TENT5C: variants seen among roughly 807,000 people sequenced by gnomAD.
The protein encoded by TENT5C is family with sequence similarity 46 member C.
A neutral mutation model predicts 22.2 loss-of-function variants in TENT5C; 5 were observed. That is an observed-to-expected ratio of 0.22 (90% CI 0.12 to 0.47). The LOEUF is 0.47. Among genes scored for constraint, TENT5C ranks in the 20% least tolerant of loss-of-function variants. The pLI, the probability that TENT5C is intolerant of heterozygous loss-of-function variation, is 0.99. For synonymous variants in TENT5C, 199 were observed against 195.4 expected (o/e 1.02, Z -0.15); for missense variants, 364 against 500.9 (o/e 0.73, Z 2.61).
rs776281952 is a variant in TENT5C at position 117,623,041 on chromosome 1, G to A, written c.173G>A (p.Arg58Gln). ...GACATCGTCCAGACCGTCCGCAGTC[G>A]GCTGGAGGAGGCAGGCATCAAAGTG... ...LKDIVQTVRS[R>Q]LEEAGIKVHD... Residue 58 changes from arginine (R) to glutamine (Q), a missense_variant, in exon 2 of 2, where the codon CGG (arginine) becomes CAG (glutamine). Physicochemically the swap from Arg to Gln is conservative, Grantham distance 43. This residue lies in a region of TENT5C where 303 missense variants were observed against 394.5 expected (regional missense o/e 0.77). Transcript: ENST00000369448. 1.2e-5 allele frequency: 20 copies of A among 1,614,082 alleles called. No homozygotes were observed. Among genetic ancestry groups the A allele is most frequent in the African/African-American group, 4.0e-5 (3 of 74,926 alleles).
At chr1:117,622,733 T>C in intron 1 of TENT5C, 109 bp from the exon 2 acceptor site, 1 of 733,696 alleles carries the variant, frequency 1.4e-6, no homozygotes, top group Non-Finnish European at 2.3e-6. Flanking sequence ...AAGTGCTATT[T>C]ATCACCATTT....
At chr1:117,620,675 G>A (rs917171331) in intron 1 of TENT5C, among the ~76,000 whole-genome samples, 1 of 152,102 alleles carries the variant, frequency 6.6e-6, no homozygotes, top group Non-Finnish European at 1.5e-5. Flanking sequence ...CATTACCACC[G>A]GAGCTCTGCC....
At chr1:117,606,727 G>C (rs1238873976) in intron 1 of TENT5C, among the ~76,000 whole-genome samples, 4 of 152,214 alleles carry the variant, frequency 2.6e-5, no homozygotes, top group Non-Finnish European at 4.4e-5. Context: ...TGGTTGGGGA[G>C]GGGAGGGGCG....
intron 1 of TENT5C, among the ~76,000 whole-genome samples, chr1:117,612,168 C>T (rs1244568068): frequency 1.3e-5 from 2 of 152,180 alleles, no homozygotes; most frequent in Non-Finnish European, 2.9e-5. Context: ...GGATCTTTGT[C>T]TCTTTCTTCC....
chr1:117,614,717 T>C (rs1269409304), intron 1 of TENT5C, among the ~76,000 whole-genome samples: 1 of 152,108 alleles, frequency 6.6e-6, no homozygotes, highest in African/African-American at 2.4e-5. Flanking sequence ...CAGTAATTGT[T>C]CCTTTATTCC....
chr1:117,624,314 A>C lies in TENT5C; in HGVS notation c.*270A>C. The C allele has an allele frequency of 4.4e-6, 2 of 451,282 alleles. No individual in the cohort carries two copies. Among genetic ancestry groups the C allele is most frequent in the East Asian group, 3.5e-5 (1 of 28,598 alleles). The allele number at this position is 451,282 out of a possible 1,614,324, so 28.0% of individuals were successfully genotyped here. The stretch of plus-strand genomic sequence containing the variant: ...ACATCTTTCCAAGATAGACACTAAC[A>C]TGTCATGTCCCAAACATTAGCACGT... On this transcript the variant is annotated 3_prime_UTR_variant, in exon 2 of 2. Transcript: ENST00000369448.
rs773602227 is a variant in TENT5C at position 117,623,001 on chromosome 1, G to C, written c.133G>C (p.Glu45Gln). The C allele has an allele frequency of 1.2e-6, 2 of 1,614,074 alleles. No individual in the cohort carries two copies. Among genetic ancestry groups the C allele is most frequent in the South Asian group, 2.2e-5 (2 of 91,078 alleles). ...IHGRGNFPTLEITLKDIVQTV... is the reference protein window; with the variant it reads ...IHGRGNFPTLQITLKDIVQTV... ...CGGACGAGGCAACTTTCCAACCTTGGAGATAACTCTGAAGGACATCGTCCA... is the reference window on the plus strand; with the variant it reads ...CGGACGAGGCAACTTTCCAACCTTGCAGATAACTCTGAAGGACATCGTCCA... The change falls in exon 2 of 2, where the codon GAG becomes CAG. Residue 45 changes from glutamate to glutamine, a missense_variant. By Grantham distance (29) the Glu-to-Gln change is conservative. Transcript: ENST00000369448.
intron 1 of TENT5C, among the ~76,000 whole-genome samples, chr1:117,615,707 C>T (rs2101075815): frequency 6.6e-6 from 1 of 152,322 alleles, no homozygotes; most frequent in Middle Eastern, 3.4e-3. Context: ...TGCTCCCCCG[C>T]TGATAAGTGG....
chr1:117,624,096 T>C lies in TENT5C; in HGVS notation c.*52T>C. The stretch of plus-strand genomic sequence containing the variant: ...GGGAACCCCAATAGGGCTAGGGCTC[T>C]CAGGTAGGGGAGCCTCCTTCTAGAT... On this transcript the variant is annotated 3_prime_UTR_variant, in exon 2 of 2. Transcript: ENST00000369448. The C allele has an allele frequency of 6.8e-7, 1 of 1,461,458 alleles. No individual in the cohort carries two copies. Among genetic ancestry groups the C allele is most frequent in the Non-Finnish European group, 9.3e-7 (1 of 1,075,698 alleles). The allele number at this position is 1,461,458 out of a possible 1,614,324, so 90.5% of individuals were successfully genotyped here.
In TENT5C at chr1:117,626,385, C is replaced by G. The variant is rs1213943840; in HGVS notation, c.*2341C>G. 2 of 247,980 alleles carry G rather than the reference C, an allele frequency of 8.1e-6. No homozygotes were observed. The highest frequency in any genetic ancestry group is 1.7e-5 in the Non-Finnish European group (2 of 118,036). 15.4% of individuals were successfully genotyped at this position (247,980 alleles called of 1,614,324 possible). ...CAGTCCCCAGTCTTTGCCACCATTG[C>G]ACCATGGTTGTCTCGGAGTCCCTTC... On this transcript the variant is annotated 3_prime_UTR_variant, in exon 2 of 2. Coordinates refer to ENST00000369448, the MANE Select transcript of TENT5C (RefSeq NM_017709.4).
intron 1 of TENT5C, among the ~76,000 whole-genome samples, chr1:117,614,899 C>T (rs889776499): frequency 6.6e-6 from 1 of 152,172 alleles, no homozygotes; most frequent in Non-Finnish European, 1.5e-5. Context: ...CTAAAATCAC[C>T]ACTGTTCTGC....
At chr1:117,607,682 C>T (rs529085844) in intron 1 of TENT5C, among the ~76,000 whole-genome samples, 27 of 152,160 alleles carry the variant, frequency 1.8e-4, no homozygotes, top group Non-Finnish European at 3.2e-4. Context: ...GTAAGTTGGG[C>T]AGCCGCAAGA....
At chr1:117,608,739 A>T (rs1013826147) in intron 1 of TENT5C, among the ~76,000 whole-genome samples, 5 of 150,880 alleles carry the variant, frequency 3.3e-5, no homozygotes, top group Non-Finnish European at 7.4e-5. Context: ...GGAAACCCAA[A>T]GGCTCTCAGT....
chr1:117,623,840 T>C lies in TENT5C; in HGVS notation c.972T>C (p.His324=), dbSNP rs1422037106. ...VNESTVCLMG[H]ERRQTLNLIS... ...AGAGCACCGTGTGTCTCATGGGGCA[T>C]GAACGCAGGCAGACTCTGAACCTCA... Residue 324 remains histidine, a synonymous_variant, in exon 2 of 2, where the codon CAT becomes CAC. Transcript: ENST00000369448. 6.2e-7 allele frequency: 1 copy of C among 1,614,142 alleles called. No individual in the cohort carries two copies.
At chr1:117,612,152 G>A (rs942901337) in intron 1 of TENT5C, among the ~76,000 whole-genome samples, 1 of 152,160 alleles carries the variant, frequency 6.6e-6, no homozygotes. Context: ...AGCTCCACAG[G>A]GCCAGGGATC....
intron 1 of TENT5C, among the ~76,000 whole-genome samples, chr1:117,614,701 G>T (rs1462584870): frequency 6.6e-6 from 1 of 152,134 alleles, no homozygotes; most frequent in African/African-American, 2.4e-5. Flanking sequence ...GCCATCAGAG[G>T]AGTCTCAGTA....
intron 1 of TENT5C, among the ~76,000 whole-genome samples, chr1:117,614,898 C>A (rs1051227009): frequency 3.3e-5 from 5 of 152,194 alleles, no homozygotes; most frequent in African/African-American, 1.2e-4. Context: ...TCTAAAATCA[C>A]CACTGTTCTG....
At chr1:117,611,647 C>T (rs1653673886) in intron 1 of TENT5C, among the ~76,000 whole-genome samples, 1 of 151,960 alleles carries the variant, frequency 6.6e-6, no homozygotes, top group Admixed American at 6.6e-5. Flanking sequence ...TCCAGACCAG[C>T]CTGTATGACA....
At position 117,624,731 on chromosome 1, in the gene TENT5C, A is replaced by T; in HGVS notation, c.*687A>T. 1 of 248,134 alleles carries T rather than the reference A, an allele frequency of 4.0e-6. No individual in the cohort carries two copies. Among genetic ancestry groups the T allele is most frequent in the South Asian group, 1.8e-4 (1 of 5,526 alleles). 15.4% of individuals were successfully genotyped at this position (248,134 alleles called of 1,614,324 possible). Reference sequence around the variant, plus strand: ...TTGCGAGATATTGCTGAGGGGAAAAAAAAATGACCTTTTCTTGAAATGTAA... The same window carrying T: ...TTGCGAGATATTGCTGAGGGGAAAATAAAATGACCTTTTCTTGAAATGTAA... On this transcript the variant is annotated 3_prime_UTR_variant, in exon 2 of 2. Coordinates refer to ENST00000369448, the MANE Select transcript of TENT5C (RefSeq NM_017709.4).
Sources: gnomAD v4.1 joint callset for allele counts (sites outside exome capture counted in the v4.1 genomes callset) on GRCh38, gnomAD v4.1.1 for gene constraint, gnomAD v4.1.1 regional missense constraint, MANE v1.5 for transcripts, NCBI Gene and HGNC (gene_info 2026-07-23, HGNC 2026-07-21) for gene names.